The following CHST11 variants were observed in gnomAD, a reference collection of about 807,000 sequenced individuals.
CHST11 encodes the protein carbohydrate sulfotransferase 11.
CHST11 carries 9 observed loss-of-function variants against 30.4 expected under a neutral mutation model. That is an observed-to-expected ratio of 0.30 (90% confidence interval 0.18 to 0.52). The LOEUF is 0.52. Ranked by LOEUF, CHST11 falls within the 20% of genes least tolerant of loss-of-function variation. CHST11 has a pLI of 0.97. For missense variants in CHST11, 348 were observed against 460.6 expected (o/e 0.76, Z 2.24); for synonymous variants, 152 against 187.8 (o/e 0.81, Z 1.56).
intron 1 of CHST11, among the ~76,000 whole-genome samples, chr12:104,561,207 C>T (rs2038510728): frequency 6.6e-6 from 1 of 152,194 alleles, no homozygotes; most frequent in Non-Finnish European, 1.5e-5. Context: ...GATGGGAGTT[C>T]ATCTCTCACT....
intron 2 of CHST11, among the ~76,000 whole-genome samples, chr12:104,722,155 A>T (rs1263530960): frequency 4.4e-5 from 6 of 137,478 alleles, no homozygotes; most frequent in African/African-American, 1.2e-4. Flanking sequence ...CACTCAGCTA[A>T]GTGTGTGTGT....
chr12:104,514,569 G>A (rs756998765), intron 1 of CHST11: 6 of 424,996 alleles, frequency 1.4e-5, no homozygotes, highest in African/African-American at 4.1e-5. Context: ...CTTGGCTCAC[G>A]GTTCTGCAGG....
chr12:104,724,236 T>C (rs1186927753), intron 2 of CHST11, among the ~76,000 whole-genome samples: 1 of 152,088 alleles, frequency 6.6e-6, no homozygotes, highest in Non-Finnish European at 1.5e-5. Context: ...GACAAATACT[T>C]TACCATGTAT....
At chr12:104,749,113 C>T (rs1354462124) in intron 2 of CHST11, among the ~76,000 whole-genome samples, 1 of 152,208 alleles carries the variant, frequency 6.6e-6, no homozygotes, top group Non-Finnish European at 1.5e-5. Flanking sequence ...AGGAAGCTTT[C>T]TGTTGACCTT....
intron 2 of CHST11, among the ~76,000 whole-genome samples, chr12:104,710,226 G>A (rs1592851882): frequency 6.6e-6 from 1 of 152,294 alleles, no homozygotes; most frequent in Middle Eastern, 3.4e-3. Context: ...TTTTTCATGT[G>A]AAGCCAAGCC....
intron 2 of CHST11, among the ~76,000 whole-genome samples, chr12:104,619,682 C>T (rs2039142180): frequency 6.6e-6 from 1 of 152,278 alleles, no homozygotes; most frequent in African/African-American, 2.4e-5. Flanking sequence ...GGCTGCTTAT[C>T]TGGGGGCTGC....
intron 2 of CHST11, among the ~76,000 whole-genome samples, chr12:104,707,855 C>G (rs969805000): frequency 2.0e-5 from 3 of 152,218 alleles, no homozygotes; most frequent in African/African-American, 4.8e-5. Context: ...CAAACACACA[C>G]AGGTGCAAGC....
At chr12:104,706,287 G>C (rs954969407) in intron 2 of CHST11, among the ~76,000 whole-genome samples, 6 of 151,946 alleles carry the variant, frequency 3.9e-5, no homozygotes, top group African/African-American at 1.2e-4. Context: ...GGGAGGCTGA[G>C]GTAGGAGGAT....
intron 1 of CHST11, among the ~76,000 whole-genome samples, chr12:104,589,227 C>T (rs1296239177): frequency 6.6e-6 from 1 of 151,694 alleles, no homozygotes; most frequent in African/African-American, 2.4e-5. Flanking sequence ...TGGCGAAACC[C>T]ATCTCTATAA....
chr12:104,632,573 G>A (rs1183698826), intron 2 of CHST11, among the ~76,000 whole-genome samples: 1 of 152,256 alleles, frequency 6.6e-6, no homozygotes, highest in Non-Finnish European at 1.5e-5. Flanking sequence ...CAAGCTGTCA[G>A]GGTTGGTCTG....
rs1021171621 is a variant in CHST11, at chr12:104,580,478, A to C, written c.119-21428A>C. ...CTTTAAGCCCTCATGCATGGTAGACATGTCGATTATGGATAAATTAAAGGC... is the reference window on the plus strand; with the variant it reads ...CTTTAAGCCCTCATGCATGGTAGACCTGTCGATTATGGATAAATTAAAGGC... On this transcript the variant is annotated intron_variant, in intron 1 of 2. Transcript: ENST00000303694. Among the ~76,000 whole-genome samples the C allele has an allele frequency of 2.0e-5, 3 of 152,348 alleles. No individual in the cohort carries two copies. In the East Asian group the frequency reaches 5.8e-4, roughly 29 times the overall value.
intron 1 of CHST11, among the ~76,000 whole-genome samples, chr12:104,544,090 C>T (rs1322115251): frequency 6.9e-6 from 1 of 144,038 alleles, no homozygotes; most frequent in African/African-American, 2.6e-5. Flanking sequence ...AATCACTGCA[C>T]TCCAGCCTGG....
Position 104,557,571 on chromosome 12 carries a change from A to C in CHST11, c.119-44335A>C, listed in dbSNP as rs146014113. Among the ~76,000 whole-genome samples, 4 of 151,948 alleles carry C rather than the reference A, an allele frequency of 2.6e-5. No homozygotes were observed. The East Asian group carries it at 7.8e-4, about 29-fold the overall frequency. ...GGGCCTGAAGCCCAGAGGGGAGAGG[A>C]GGGCGGCTGGACAGGAATCCAGGTG... On this transcript the variant is annotated intron_variant, in intron 1 of 2. Coordinates refer to ENST00000303694, the MANE Select transcript of CHST11 (RefSeq NM_018413.6).
intron 1 of CHST11, among the ~76,000 whole-genome samples, chr12:104,525,106 C>CTT (rs36113644): frequency 1.2e-4 from 17 of 139,902 alleles, no homozygotes; most frequent in African/African-American, 3.9e-4. Context: ...TTTTTTCTTT[C>CTT]TTTTTTTTTT....
intron 2 of CHST11, among the ~76,000 whole-genome samples, chr12:104,712,273 A>AG (rs1460475013): frequency 1.3e-5 from 2 of 152,298 alleles, no homozygotes; most frequent in African/African-American, 4.8e-5. Context: ...CAGCCAACTG[A>AG]GGGGTGAAAC....
chr12:104,626,972 C>T lies in CHST11; in HGVS notation c.204+24981C>T, dbSNP rs151027108. On this transcript the variant is annotated intron_variant, in intron 2 of 2. Coordinates refer to ENST00000303694, the MANE Select transcript of CHST11 (RefSeq NM_018413.6). ...ATACATTTTAGAGTAGTTTCACTGC[C>T]CCCAAAATCCTGTGGGTCTACCTGT... is the stretch of plus-strand genomic sequence containing the variant. Among the ~76,000 whole-genome samples the T allele has an allele frequency of 1.6e-4, 25 of 152,208 alleles. No individual in the cohort carries two copies. In the East Asian group the frequency reaches 4.8e-3, roughly 29 times the overall value.
At chr12:104,716,326 C>T (rs915566787) in intron 2 of CHST11, among the ~76,000 whole-genome samples, 2 of 152,196 alleles carry the variant, frequency 1.3e-5, no homozygotes, top group Non-Finnish European at 2.9e-5. Context: ...GCCTGGGTTC[C>T]AAATCTGAGT....
intron 2 of CHST11, among the ~76,000 whole-genome samples, chr12:104,754,717 G>A (rs371579861): frequency 2.6e-4 from 40 of 152,286 alleles, no homozygotes; most frequent in Middle Eastern, 6.8e-3. Context: ...GGGGATACTA[G>A]CAACTCTTTC....
At chr12:104,695,368 A>G (rs1035326956) in intron 2 of CHST11, among the ~76,000 whole-genome samples, 15 of 152,186 alleles carry the variant, frequency 9.9e-5, no homozygotes, top group African/African-American at 3.4e-4. Flanking sequence ...TGGTTCCAGA[A>G]TCAACATCCT....
Sources: allele counts gnomAD v4.1 joint callset (sites outside exome capture counted in the v4.1 genomes callset), GRCh38; gene constraint gnomAD v4.1.1; transcripts MANE v1.5; gene names NCBI Gene and HGNC (gene_info 2026-07-23, HGNC 2026-07-21).